ACVR2A: variants seen among roughly 807,000 people sequenced by gnomAD.
ACVR2A encodes activin A receptor type 2A, also known as activin receptor type-2A.
Under a neutral mutation model 61.4 loss-of-function variants are expected in ACVR2A, and 7 were observed. The ratio of observed to expected loss-of-function variants is 0.11; its 90% confidence interval spans 0.06 to 0.21. The LOEUF (loss-of-function observed/expected upper bound fraction) is 0.21. ACVR2A is among the 10% of genes least tolerant of loss of function. The pLI, the probability that ACVR2A is intolerant of heterozygous loss-of-function variation, is 1.00. For synonymous variants in ACVR2A, 193 were observed against 208.3 expected, an observed-to-expected ratio of 0.93 and a Z score of 0.63; for missense variants, 322 against 621.7, an observed-to-expected ratio of 0.52 and a Z score of 5.13.
intron 1 of ACVR2A, among the ~76,000 whole-genome samples, chr2:147,858,378 A>G (rs1685640694): frequency 6.6e-6 from 1 of 152,280 alleles, no homozygotes; most frequent in East Asian, 1.9e-4. Flanking sequence ...TCTGCAAATA[A>G]AGGGGTTAAT....
At chr2:147,890,993 C>T (rs1282838896) in intron 1 of ACVR2A, among the ~76,000 whole-genome samples, 2 of 152,082 alleles carry the variant, frequency 1.3e-5, no homozygotes, top group African/African-American at 4.8e-5. Flanking sequence ...ATCCTATCTA[C>T]CTTAAAAAAT....
intron 1 of ACVR2A, among the ~76,000 whole-genome samples, chr2:147,895,513 C>T (rs1015371719): frequency 6.6e-6 from 1 of 152,148 alleles, no homozygotes; most frequent in African/African-American, 2.4e-5. Flanking sequence ...CAAAGTGCCA[C>T]TCTTGGTACT....
intron 7 of ACVR2A, among the ~76,000 whole-genome samples, chr2:147,919,391 C>G (rs1246312408): frequency 2.0e-5 from 3 of 152,112 alleles, no homozygotes; most frequent in African/African-American, 4.8e-5. Flanking sequence ...TTTTCCCTTG[C>G]CCTACCTGGT....
chr2:147,900,000 G>C, intron 4 of ACVR2A, 102 bp downstream of exon 4: 1 of 1,323,052 alleles, frequency 7.6e-7, no homozygotes, highest in Non-Finnish European at 1.0e-6. Flanking sequence ...TTTTCCTTTG[G>C]AGTTAATTTT....
Position 147,915,308 on chromosome 2 carries a change from G to A in ACVR2A, c.646G>A (p.Val216Met), listed in dbSNP as rs774111875. 1 of 1,611,998 alleles carries A rather than the reference G, an allele frequency of 6.2e-7. No homozygotes were observed. Among genetic ancestry groups the A allele is most frequent in the Non-Finnish European group, 8.5e-7 (1 of 1,178,502 alleles). Residue 216 changes from valine (V) to methionine (M), a missense_variant, in exon 5 of 11, where the codon GTG becomes ATG. This residue lies in a region of ACVR2A where 146 missense variants were observed against 383.8 expected (regional missense o/e 0.38). Transcript: ENST00000241416. ...GAAAGCCCAGTTGCTTAACGAATAT[G>A]TGGCTGTCAAAATATTTCCAATACA... ...VWKAQLLNEY[V>M]AVKIFPIQDK... is the part of the protein sequence containing the mutation.
At chr2:147,865,107 CTTGT>C (rs1685820547) in intron 1 of ACVR2A, among the ~76,000 whole-genome samples, 1 of 152,004 alleles carries the variant, frequency 6.6e-6, no homozygotes, top group Non-Finnish European at 1.5e-5. Context: ...AGTTCTTGGC[CTTGT>C]TTCTTTCTGA....
At chr2:147,918,321 T>A (rs1687301858) in intron 6 of ACVR2A, 126 bp from the exon 7 acceptor site, 2 of 736,442 alleles carry the variant, frequency 2.7e-6, no homozygotes, top group Non-Finnish European at 4.1e-6. Context: ...CCAGAAAGAT[T>A]GTTTCTTGGA....
chr2:147,884,126 A>C (rs191458601), intron 1 of ACVR2A, among the ~76,000 whole-genome samples: 1 of 152,018 alleles, frequency 6.6e-6, no homozygotes, highest in East Asian at 1.9e-4. Context: ...TTTACCTTTT[A>C]TCTCTTATTC....
At position 147,882,207 on chromosome 2, in the gene ACVR2A, A is replaced by G. The variant is rs183470532; in HGVS notation, c.56-14094A>G. ...TCATTTAAGTGTTAACAATATTGAA[A>G]TACGTTTTGGATGCTTGCCTTTGTA... On this transcript the variant is annotated intron_variant, in intron 1 of 10. Transcript: ENST00000241416. Among the ~76,000 whole-genome samples the G allele has an allele frequency of 2.4e-3, 359 of 152,336 alleles. 1 individual carries two copies. Among genetic ancestry groups the G allele is most frequent in the East Asian group, 9.1e-3 (47 of 5,188 alleles).
At chr2:147,852,284 A>G (rs555151482) in intron 1 of ACVR2A, among the ~76,000 whole-genome samples, 60 of 152,132 alleles carry the variant, frequency 3.9e-4, no homozygotes, top group African/African-American at 1.4e-3. Context: ...AGTTTCATGA[A>G]CTGTGTACTC....
rs1687677604 is a variant in ACVR2A at position 147,930,806 on chromosome 2, T to TA, written c.*3539dup. 1.3e-5 allele frequency: 2 copies of TA among 151,426 alleles called. No individual in the cohort carries two copies. Among genetic ancestry groups the TA allele is most frequent in the African/African-American group, 4.9e-5 (2 of 41,158 alleles). The allele number at this position is 151,426 out of a possible 1,614,324, so 9.4% of individuals were successfully genotyped here. A position where few individuals can be genotyped will look rare whatever the true frequency, so the allele number is the denominator to read the frequency against. On this transcript the variant is annotated 3_prime_UTR_variant, in exon 11 of 11. Coordinates refer to ENST00000241416, the MANE Select transcript of ACVR2A (RefSeq NM_001616.5). ...ATCCCCATTCCATCCCCAAGTTAAATAAAAAAATGAATACGGTATGATTTG... is the reference window on the plus strand; with the variant it reads ...ATCCCCATTCCATCCCCAAGTTAAATAAAAAAAATGAATACGGTATGATTTG...
At chr2:147,865,505 C>T (rs1165208064) in intron 1 of ACVR2A, among the ~76,000 whole-genome samples, 1 of 152,174 alleles carries the variant, frequency 6.6e-6, no homozygotes, top group African/African-American at 2.4e-5. Flanking sequence ...AATTCTGTAG[C>T]CCCTTGCTAC....
chr2:147,921,766 GCCCT>G (rs974032921), intron 8 of ACVR2A, among the ~76,000 whole-genome samples: 2 of 151,984 alleles, frequency 1.3e-5, no homozygotes. Flanking sequence ...TACCTCATAA[GCCCT>G]CCCTCATTTT....
rs1265942251 is a variant in ACVR2A, at chr2:147,899,764, C to A, written c.394C>A (p.Pro132Thr). 6.2e-7 allele frequency: 1 copy of A among 1,613,506 alleles called. No individual in the cohort carries two copies. The highest frequency in any genetic ancestry group is 1.1e-5 in the South Asian group (1 of 90,978). Residue 132 changes from proline to threonine, a missense_variant, in exon 4 of 11, where the codon CCT becomes ACT. This residue lies in a region of ACVR2A where 142 missense variants were observed against 200.3 expected (regional missense o/e 0.71). Transcript: ENST00000241416. Reference sequence around the variant, plus strand: ...CACAGCCACTTCAAATCCAGTTACACCTAAGCCACCCTATTACAACATCCT... The same window carrying A: ...CACAGCCACTTCAAATCCAGTTACAACTAAGCCACCCTATTACAACATCCT... ...VTQPTSNPVT[P>T]KPPYYNILLY...
At chr2:147,854,212 A>T (rs1685514508) in intron 1 of ACVR2A, among the ~76,000 whole-genome samples, 1 of 152,204 alleles carries the variant, frequency 6.6e-6, no homozygotes, top group African/African-American at 2.4e-5. Flanking sequence ...GCCAATAAAT[A>T]TCTAGAATAT....
rs1280905474 is a variant in ACVR2A at position 147,852,112 on chromosome 2, G to C, written c.55+6905G>C. Among the ~76,000 whole-genome samples the C allele has an allele frequency of 2.0e-5, 3 of 152,102 alleles. No homozygotes were observed. The South Asian group carries it at 6.2e-4, about 32-fold the overall frequency. ...TTTTAAATAATTAAAATTAGAATTT[G>C]AATTATATAGATTTAGAGGGGATCT... On this transcript the variant is annotated intron_variant, in intron 1 of 10. Coordinates refer to ENST00000241416, the MANE Select transcript of ACVR2A (RefSeq NM_001616.5).
chr2:147,884,355 C>T lies in ACVR2A; in HGVS notation c.56-11946C>T, dbSNP rs551046147. 2.0e-5 allele frequency among the ~76,000 whole-genome samples: 3 copies of T among 152,136 alleles called. No homozygotes were observed. The East Asian group carries it at 5.8e-4, about 29-fold the overall frequency. On this transcript the variant is annotated intron_variant, in intron 1 of 10. Coordinates refer to ENST00000241416, the MANE Select transcript of ACVR2A (RefSeq NM_001616.5). ...CATCTTATGAGTTAGGGCCAGAGAACTGCATGGAACTATTTTAATCTTAAA... is the reference window on the plus strand; with the variant it reads ...CATCTTATGAGTTAGGGCCAGAGAATTGCATGGAACTATTTTAATCTTAAA...
chr2:147,864,937 T>C (rs1685815019), intron 1 of ACVR2A, among the ~76,000 whole-genome samples: 2 of 152,116 alleles, frequency 1.3e-5, no homozygotes, highest in Non-Finnish European at 2.9e-5. Flanking sequence ...AAAATACACA[T>C]TCTGAAACTA....
intron 1 of ACVR2A, among the ~76,000 whole-genome samples, chr2:147,893,277 C>T (rs1686634974): frequency 1.3e-5 from 2 of 152,166 alleles, no homozygotes; most frequent in South Asian, 4.1e-4. Context: ...CTTCTCCATT[C>T]ACCATTGATG....
Sources: gnomAD v4.1 joint callset for allele counts (sites outside exome capture counted in the v4.1 genomes callset) on GRCh38, gnomAD v4.1.1 for gene constraint, gnomAD v4.1.1 regional missense constraint, MANE v1.5 for transcripts, NCBI Gene and HGNC (gene_info 2026-07-23, HGNC 2026-07-21) for gene names.